RBM5: variants seen among roughly 807,000 people sequenced by gnomAD.
The protein encoded by RBM5 is RNA-binding protein 5.
RBM5 carries 15 observed loss-of-function variants against 124.6 expected under a neutral mutation model. That is an observed-to-expected ratio of 0.12 (90% CI 0.08 to 0.19). The LOEUF (loss-of-function observed/expected upper bound fraction) is 0.19. Among genes scored for constraint, RBM5 ranks in the 10% least tolerant of loss-of-function variants. The pLI is 1.00. For synonymous variants in RBM5, 337 were observed against 361.2 expected, an observed-to-expected ratio of 0.93 and a Z score of 0.76; for missense variants, 580 against 1,026.5, an observed-to-expected ratio of 0.57 and a Z score of 5.94.
At chr3:50,110,084 G>A (rs1288213302) in intron 15 of RBM5, among the ~76,000 whole-genome samples, 1 of 152,196 alleles carries the variant, frequency 6.6e-6, no homozygotes, top group African/African-American at 2.4e-5. Context: ...GGTGGCACAT[G>A]CCTGTAATCC....
chr3:50,110,801 C>G, intron 17 of RBM5, 31 bp downstream of exon 17: 1 of 1,541,174 alleles, frequency 6.5e-7, no homozygotes, highest in Non-Finnish European at 8.9e-7. Context: ...CTCAATTTCA[C>G]TAGAAGTAGT....
Position 50,106,825 on chromosome 3 carries a change from G to A in RBM5, c.914G>A (p.Gly305Asp), listed in dbSNP as rs774302326. The A allele has an allele frequency of 6.2e-7, 1 of 1,613,102 alleles. No individual in the cohort carries two copies. The highest frequency in any genetic ancestry group is 1.7e-5 in the Admixed American group (1 of 60,010). Residue 305 changes from glycine to aspartate, a missense_variant, in exon 11 of 25, where the codon GGC becomes GAC. This residue lies in a region of RBM5 where 42 missense variants were observed against 101.1 expected (regional missense o/e 0.42). Coordinates refer to ENST00000347869, the MANE Select transcript of RBM5 (RefSeq NM_005778.4). ...QSLHPPLKID[G>D]KTIGVDFAKS... The stretch of plus-strand genomic sequence containing the variant: ...CTCCATCCTCCTTTGAAAATTGATG[G>A]CAAAACTATTGGGGTTGATTTTGCA...
At chr3:50,107,355 C>G in intron 11 of RBM5, 127 bp from the exon 12 acceptor site, 1 of 739,930 alleles carries the variant, frequency 1.4e-6, no homozygotes, top group Non-Finnish European at 2.4e-6. Context: ...AGCCCTCCCC[C>G]TGTGAAATGT....
intron 6 of RBM5, chr3:50,102,012 A>G (rs2090949580): frequency 6.6e-6 from 1 of 152,176 alleles, no homozygotes; most frequent in Non-Finnish European, 1.5e-5. Context: ...TATCGCAGAG[A>G]CAAAATTCAC....
chr3:50,095,145 G>A (rs1337120066), intron 4 of RBM5, among the ~76,000 whole-genome samples: 1 of 152,134 alleles, frequency 6.6e-6, no homozygotes, highest in Non-Finnish European at 1.5e-5. Flanking sequence ...AGTTTACAAT[G>A]AGCCAAGATC....
At position 50,105,723 on chromosome 3, in the gene RBM5, C is replaced by G. The variant is rs202166679; in HGVS notation, c.855+14C>G. On this transcript the variant is annotated intron_variant, in intron 10 of 24. Transcript: ENST00000347869. Reference sequence around the variant, plus strand: ...TCCTCTGCAATGGTGAGGTTCTCATCGATTCTTTCCTTTTTAAAAGAAACA... The same window carrying G: ...TCCTCTGCAATGGTGAGGTTCTCATGGATTCTTTCCTTTTTAAAAGAAACA... The G allele has an allele frequency of 1.7e-4, 281 of 1,610,640 alleles. No individual in the cohort carries two copies. In the Middle Eastern group the frequency reaches 1.8e-3, roughly 10 times the overall value.
chr3:50,108,444 C>A, intron 14 of RBM5, 140 bp downstream of exon 14: 1 of 840,548 alleles, frequency 1.2e-6, no homozygotes, highest in Non-Finnish European at 1.9e-6. Flanking sequence ...CACGGTGGCT[C>A]ACGCCTGTAA....
intron 24 of RBM5, chr3:50,118,022 C>A: frequency 2.5e-6 from 1 of 393,450 alleles, no homozygotes; most frequent in South Asian, 2.8e-5. Context: ...ATAATGTGTG[C>A]CTGTAATTAC....
At chr3:50,107,619 A>G (rs1185163797) in intron 12 of RBM5, 50 bp downstream of exon 12, 2 of 1,242,856 alleles carry the variant, frequency 1.6e-6, no homozygotes, top group Middle Eastern at 2.3e-4. Flanking sequence ...TGGTGCCCAG[A>G]TTCACAGACG....
In RBM5 at chr3:50,092,165, G is replaced by A; in HGVS notation, c.140G>A (p.Arg47Lys). The A allele has an allele frequency of 1.2e-6, 2 of 1,614,002 alleles. No homozygotes were observed. The highest frequency in any genetic ancestry group is 8.5e-7 in the Non-Finnish European group (1 of 1,180,020). ...SDYKRSSDDRRGDRYDDYRDY... is the reference protein window; with the variant it reads ...SDYKRSSDDRKGDRYDDYRDY... ...TACAAAAGATCTAGTGATGATCGGA[G>A]GGGTGATAGATATGATGACTACCGA... is the stretch of plus-strand genomic sequence containing the variant. Residue 47 changes from arginine (R) to lysine (K), a missense_variant, in exon 3 of 25, where the codon AGG becomes AAG. Physicochemically the swap from Arg to Lys is conservative, Grantham distance 26. This residue lies in a region of RBM5 where 99 missense variants were observed against 121.1 expected (regional missense o/e 0.82). Coordinates refer to ENST00000347869, the MANE Select transcript of RBM5 (RefSeq NM_005778.4).
intron 4 of RBM5, 60 bp downstream of exon 4, chr3:50,093,935 A>G: frequency 2.0e-6 from 3 of 1,537,846 alleles, no homozygotes; most frequent in Non-Finnish European, 2.7e-6. Flanking sequence ...TTGAGCTTCT[A>G]CCATTATTTT....
At chr3:50,111,252 A>G (rs567787969) in intron 17 of RBM5, among the ~76,000 whole-genome samples, 1 of 152,296 alleles carries the variant, frequency 6.6e-6, no homozygotes, top group Non-Finnish European at 1.5e-5. Context: ...TGTACAAATC[A>G]GTGGCTTTTA....
At chr3:50,114,432 G>C in intron 20 of RBM5, 181 bp downstream of exon 20, 1 of 579,040 alleles carries the variant, frequency 1.7e-6, no homozygotes, top group South Asian at 2.6e-5. Flanking sequence ...TGTGAGAGCA[G>C]ATGAGATGGA....
intron 17 of RBM5, chr3:50,112,880 T>A (rs2091174069): frequency 6.6e-6 from 1 of 152,100 alleles, no homozygotes; most frequent in Admixed American, 6.6e-5. Flanking sequence ...TGAGATGGAG[T>A]CTTACTCTGT....
rs1017028177 is a variant in RBM5, at chr3:50,090,364, A to C, written c.-53-18A>C. 3.9e-6 allele frequency: 6 copies of C among 1,556,928 alleles called. No homozygotes were observed. The African/African-American group carries it at 8.2e-5, about 21-fold the overall frequency. The stretch of plus-strand genomic sequence containing the variant: ...TGATCTCTGAGATTTATAGCAATTA[A>C]TCTCTCTTGTCTCCTAGAAAAAATA... On this transcript the variant is annotated intron_variant, in intron 1 of 24. Transcript: ENST00000347869.
intron 4 of RBM5, among the ~76,000 whole-genome samples, chr3:50,095,065 G>A (rs572161435): frequency 3.3e-5 from 5 of 152,122 alleles, no homozygotes; most frequent in African/African-American, 1.2e-4. Context: ...AGGTGTGGTG[G>A]TGCATACCTG....
chr3:50,107,453 A>G (rs370156513), intron 11 of RBM5, 29 bp from the exon 12 acceptor site: 33 of 1,524,718 alleles, frequency 2.2e-5, no homozygotes, highest in Middle Eastern at 1.7e-4. Flanking sequence ...CTGTGATAGA[A>G]TCACATGATT....
chr3:50,113,862 A>G (rs891590569), intron 18 of RBM5, 88 bp from the exon 19 acceptor site: 4 of 1,443,174 alleles, frequency 2.8e-6, no homozygotes, highest in Non-Finnish European at 3.8e-6. Flanking sequence ...GTTACAGGGC[A>G]TATAGTTGAG....
chr3:50,091,996 G>A (rs2090711889), intron 2 of RBM5, 47 bp from the exon 3 acceptor site: 3 of 1,584,250 alleles, frequency 1.9e-6, no homozygotes, highest in African/African-American at 1.3e-5. Context: ...TCTTTTAAAG[G>A]TACAAAATGT....
Sources: gnomAD v4.1 joint callset for allele counts (sites outside exome capture counted in the v4.1 genomes callset) on GRCh38, gnomAD v4.1.1 for gene constraint, gnomAD v4.1.1 regional missense constraint, MANE v1.5 for transcripts, NCBI Gene and HGNC (gene_info 2026-07-23, HGNC 2026-07-21) for gene names.